Variants in RALYL observed in about 807,000 individuals in gnomAD.
RALYL encodes the protein RALY RNA binding protein like, also known as RNA-binding Raly-like protein.
In RALYL, 29 loss-of-function variants were observed where a neutral mutation model predicts 35.1. The observed-to-expected ratio is 0.83, with a 90% CI of 0.61 to 1.13. RALYL has a LOEUF of 1.13. RALYL is among the 50% of genes most tolerant of loss of function. The pLI, the probability that RALYL is intolerant of heterozygous loss-of-function variation, is 0.00. For synonymous variants in RALYL, 120 were observed against 127.6 expected (o/e 0.94, Z 0.40); for missense variants, 359 against 360.4 (o/e 1.00, Z 0.03).
intron 4 of RALYL, among the ~76,000 whole-genome samples, chr8:84,814,384 C>A (rs976652728): frequency 6.6e-6 from 1 of 152,020 alleles, no homozygotes; most frequent in Non-Finnish European, 1.5e-5. Context: ...AGTTATCAAG[C>A]AATATGAGTA....
At chr8:84,864,811 TGTA>T in intron 6 of RALYL, 1 of 611,198 alleles carries the variant, frequency 1.6e-6, no homozygotes, top group Non-Finnish European at 3.1e-6. Flanking sequence ...AGAGCTTCTG[TGTA>T]GTAGTCAATG....
chr8:84,809,950 C>G (rs1263572438), intron 4 of RALYL, among the ~76,000 whole-genome samples: 1 of 151,956 alleles, frequency 6.6e-6, no homozygotes, highest in African/African-American at 2.4e-5. Flanking sequence ...TTTCATTTAT[C>G]TTTTGTATTA....
intron 2 of RALYL, among the ~76,000 whole-genome samples, chr8:84,588,862 GT>G (rs1427232813): frequency 1.3e-5 from 2 of 151,634 alleles, no homozygotes; most frequent in Admixed American, 6.6e-5. Flanking sequence ...GGTGTTTTTT[GT>G]TTTGTTTTTT....
intron 5 of RALYL, among the ~76,000 whole-genome samples, chr8:84,850,381 C>T (rs1835595233): frequency 6.6e-6 from 1 of 152,124 alleles, no homozygotes; most frequent in Admixed American, 6.5e-5. Context: ...TAACTCCAAC[C>T]TTCTGAAGTC....
intron 2 of RALYL, among the ~76,000 whole-genome samples, chr8:84,599,628 G>T (rs1202564567): frequency 6.6e-6 from 1 of 151,780 alleles, no homozygotes; most frequent in Non-Finnish European, 1.5e-5. Context: ...GATATTCAAA[G>T]GATTTACTCC....
intron 1 of RALYL, among the ~76,000 whole-genome samples, chr8:84,206,394 C>G (rs1461480272): frequency 6.6e-6 from 1 of 152,016 alleles, no homozygotes; most frequent in African/African-American, 2.4e-5. Flanking sequence ...CTCAGTCACT[C>G]AAAAGCTCCT....
intron 2 of RALYL, among the ~76,000 whole-genome samples, chr8:84,697,049 A>G (rs1056587993): frequency 2.6e-5 from 4 of 151,994 alleles, no homozygotes; most frequent in Non-Finnish European, 5.9e-5. Flanking sequence ...ACTAAATAGG[A>G]ACAGGAAAGG....
At chr8:84,805,872 T>C (rs958732976) in intron 4 of RALYL, among the ~76,000 whole-genome samples, 1 of 152,160 alleles carries the variant, frequency 6.6e-6, no homozygotes, top group East Asian at 1.9e-4. Context: ...ATAGATGATA[T>C]TGTATGAAAA....
At chr8:84,806,824 C>T (rs1485159120) in intron 4 of RALYL, among the ~76,000 whole-genome samples, 1 of 152,080 alleles carries the variant, frequency 6.6e-6, no homozygotes, top group Non-Finnish European at 1.5e-5. Flanking sequence ...CCAGGCTGGA[C>T]AACATGGTGA....
intron 1 of RALYL, among the ~76,000 whole-genome samples, chr8:84,429,855 C>T (rs1483610599): frequency 6.6e-6 from 1 of 151,986 alleles, no homozygotes; most frequent in Non-Finnish European, 1.5e-5. Context: ...TTCAACAATA[C>T]CTATCCACTA....
chr8:84,547,942 C>A (rs1365161917), intron 2 of RALYL, among the ~76,000 whole-genome samples: 1 of 152,012 alleles, frequency 6.6e-6, no homozygotes, highest in Non-Finnish European at 1.5e-5. Context: ...TGAGTTGTTG[C>A]TTTTATCCTC....
chr8:84,723,264 C>A (rs997555583), intron 2 of RALYL, among the ~76,000 whole-genome samples: 1 of 151,906 alleles, frequency 6.6e-6, no homozygotes. Flanking sequence ...AGGAAAAGTT[C>A]CAGCTTTATC....
intron 2 of RALYL, among the ~76,000 whole-genome samples, chr8:84,633,772 T>C (rs947650391): frequency 1.3e-5 from 2 of 151,886 alleles, no homozygotes; most frequent in African/African-American, 2.4e-5. Context: ...TGCCTATCTC[T>C]CATGTGTTTT....
At chr8:84,452,791 G>A (rs971380121) in intron 1 of RALYL, among the ~76,000 whole-genome samples, 2 of 151,868 alleles carry the variant, frequency 1.3e-5, no homozygotes, top group African/African-American at 4.8e-5. Context: ...ATATAAAACA[G>A]GATAGATCAC....
intron 5 of RALYL, among the ~76,000 whole-genome samples, chr8:84,861,715 G>A (rs1469754696): frequency 6.6e-6 from 1 of 152,178 alleles, no homozygotes; most frequent in Non-Finnish European, 1.5e-5. Flanking sequence ...GCAATCAGAG[G>A]AGACTTTGTT....
chr8:84,230,052 A>G (rs1345906166), intron 1 of RALYL, among the ~76,000 whole-genome samples: 1 of 152,172 alleles, frequency 6.6e-6, no homozygotes, highest in African/African-American at 2.4e-5. Flanking sequence ...TAAATAACAA[A>G]TAAATGAAGT....
chr8:84,692,989 A>G (rs1285133138), intron 2 of RALYL, among the ~76,000 whole-genome samples: 3 of 152,126 alleles, frequency 2.0e-5, no homozygotes, highest in Middle Eastern at 3.4e-3. Flanking sequence ...ATCTCCTGAA[A>G]TCTTCATAAA....
chr8:84,470,148 C>T (rs543141856), intron 1 of RALYL, among the ~76,000 whole-genome samples: 1 of 152,310 alleles, frequency 6.6e-6, no homozygotes, highest in East Asian at 1.9e-4. Flanking sequence ...TCCTATTCGG[C>T]CATCTTGGCT....
intron 1 of RALYL, among the ~76,000 whole-genome samples, chr8:84,309,496 A>G (rs1464393448): frequency 6.6e-6 from 1 of 152,074 alleles, no homozygotes; most frequent in East Asian, 1.9e-4. Flanking sequence ...ATTAAAAAGT[A>G]ATTCTAAAAT....
Sources: gnomAD v4.1 joint callset for allele counts (sites outside exome capture counted in the v4.1 genomes callset) on GRCh38, gnomAD v4.1.1 for gene constraint, MANE v1.5 for transcripts, NCBI Gene and HGNC (gene_info 2026-07-23, HGNC 2026-07-21) for gene names.